Variants in EZH2 observed in about 807,000 individuals in gnomAD.
The protein encoded by EZH2 is enhancer of zeste 2 polycomb repressive complex 2 subunit.
Under a neutral mutation model 98.4 loss-of-function variants are expected in EZH2, and 18 were observed. The observed-to-expected ratio is 0.18, with a 90% CI of 0.13 to 0.27. The LOEUF (loss-of-function observed/expected upper bound fraction) is 0.27, where lower values mean the gene tolerates loss of function less well. Ranked by LOEUF, EZH2 falls within the 10% of genes least tolerant of loss-of-function variation. The pLI, the probability that EZH2 is intolerant of heterozygous loss-of-function variation, is 1.00. For missense variants in EZH2, 470 were observed against 935.1 expected, an observed-to-expected ratio of 0.50 and a Z score of 6.49; for synonymous variants, 338 against 312.3, an observed-to-expected ratio of 1.08 and a Z score of -0.87.
intron 1 of EZH2, among the ~76,000 whole-genome samples, chr7:148,871,403 T>TAAAAAAAAAAAAAAAAAAAAAAAACAA (rs71529646): frequency 1.1e-5 from 1 of 88,752 alleles, no homozygotes; most frequent in African/African-American, 4.3e-5. Context: ...GACGAATAAT[T>TAAAAAAAAAAAAAAAAAAAAAAAACAA]AAAAAAAAAA....
intron 1 of EZH2, among the ~76,000 whole-genome samples, chr7:148,868,385 G>A (rs532385986): frequency 1.3e-5 from 2 of 152,300 alleles, no homozygotes; most frequent in East Asian, 1.9e-4. Flanking sequence ...CACATTATAC[G>A]TGGCTGATGC....
At chr7:148,827,044 G>T in intron 7 of EZH2, 120 bp downstream of exon 7, 1 of 705,246 alleles carries the variant, frequency 1.4e-6, no homozygotes, top group Non-Finnish European at 2.4e-6. Context: ...CAAGTATCTT[G>T]CAAACACTGT....
At chr7:148,880,202 T>C (rs1820767458) in intron 1 of EZH2, among the ~76,000 whole-genome samples, 2 of 152,350 alleles carry the variant, frequency 1.3e-5, no homozygotes, top group Non-Finnish European at 1.5e-5. Flanking sequence ...TGCAACTATC[T>C]TAGAAATTTA....
Position 148,819,596 on chromosome 7 carries a change from C to T in EZH2, c.999G>A (p.Leu333=). Residue 333 remains leucine (L), a splice_region_variant and synonymous_variant, in exon 9 of 20, where the codon TTG becomes TTA. Coordinates refer to ENST00000320356, the MANE Select transcript of EZH2 (RefSeq NM_004456.5). ...KPCGPQCYQH[L]EGAKEFAAAL... ...GCAATAATTAGGCACTAAGTCTTAC[C>T]AAATGCTGGTAACACTGTGGTCCAC... The T allele has an allele frequency of 6.2e-7, 1 of 1,613,560 alleles. No individual in the cohort carries two copies. The highest frequency in any genetic ancestry group is 1.3e-5 in the African/African-American group (1 of 75,020).
At chr7:148,853,489 G>C (rs1473271939) in intron 1 of EZH2, among the ~76,000 whole-genome samples, 1 of 152,116 alleles carries the variant, frequency 6.6e-6, no homozygotes, top group African/African-American at 2.4e-5. Flanking sequence ...TAGGGTTCAC[G>C]CTTCCGTGAG....
chr7:148,872,609 C>G (rs982661486), intron 1 of EZH2, among the ~76,000 whole-genome samples: 3 of 152,128 alleles, frequency 2.0e-5, no homozygotes, highest in Non-Finnish European at 4.4e-5. Context: ...CGTAGGAACT[C>G]ATGTATCTAC....
At chr7:148,829,102 T>A (rs1808571581) in intron 5 of EZH2, among the ~76,000 whole-genome samples, 1 of 152,070 alleles carries the variant, frequency 6.6e-6, no homozygotes, top group African/African-American at 2.4e-5. Flanking sequence ...GAATGGCCCC[T>A]CCCCAAAACT....
At chr7:148,820,203 T>C (rs547982890) in intron 8 of EZH2, among the ~76,000 whole-genome samples, 86 of 152,270 alleles carry the variant, frequency 5.6e-4, no homozygotes, top group African/African-American at 2.0e-3. Flanking sequence ...TCCAAGAACC[T>C]GGTGAGAGCT....
At chr7:148,816,404 T>C (rs1804566941) in intron 12 of EZH2, among the ~76,000 whole-genome samples, 1 of 152,242 alleles carries the variant, frequency 6.6e-6, no homozygotes, top group Admixed American at 6.5e-5. Context: ...TAACCTTTAC[T>C]GCAAAAGCTA....
intron 1 of EZH2, among the ~76,000 whole-genome samples, chr7:148,848,636 C>T (rs1392136742): frequency 2.0e-5 from 3 of 152,002 alleles, no homozygotes; most frequent in Non-Finnish European, 2.9e-5. Context: ...AACAAAGGGG[C>T]GAAGAAATTC....
chr7:148,811,363 C>G (rs1803034536), intron 16 of EZH2, among the ~76,000 whole-genome samples: 1 of 152,160 alleles, frequency 6.6e-6, no homozygotes, highest in Non-Finnish European at 1.5e-5. Flanking sequence ...GTTGCCCATG[C>G]TGGTCTCCAA....
At position 148,825,015 on chromosome 7, in the gene EZH2, T is replaced by A. The variant is rs1807292692; in HGVS notation, c.907+1439A>T. Among the ~76,000 whole-genome samples, 25 of 152,254 alleles carry A rather than the reference T, an allele frequency of 1.6e-4. No homozygotes were observed. In the South Asian group the frequency reaches 4.4e-3, roughly 27 times the overall value. ...TCTGAATGGCACAATAAAAAACTTGTAATGTTTAAAAGTAGTGTCCTACTT... is the reference window on the plus strand; with the variant it reads ...TCTGAATGGCACAATAAAAAACTTGAAATGTTTAAAAGTAGTGTCCTACTT... On this transcript the variant is annotated intron_variant, in intron 8 of 19. Transcript: ENST00000320356.
chr7:148,810,460 C>CA, intron 16 of EZH2, 46 bp from the exon 17 acceptor site: 1 of 1,343,450 alleles, frequency 7.4e-7, no homozygotes, highest in South Asian at 1.2e-5. Flanking sequence ...TAAAGGTGAT[C>CA]AAGCCTGACA....
intron 2 of EZH2, 105 bp downstream of exon 2, chr7:148,847,077 T>C (rs1814351349): frequency 7.4e-7 from 1 of 1,357,268 alleles, no homozygotes; most frequent in Admixed American, 2.5e-5. Context: ...TTATTGTAAA[T>C]ACAAACTTGG....
intron 1 of EZH2, among the ~76,000 whole-genome samples, chr7:148,864,725 G>C (rs183147828): frequency 2.1e-3 from 308 of 150,244 alleles, no homozygotes; most frequent in African/African-American, 7.1e-3. Flanking sequence ...AAAAGTTTAA[G>C]TTTTTCTTGA....
At chr7:148,837,763 C>A (rs930433501) in intron 3 of EZH2, among the ~76,000 whole-genome samples, 2 of 152,154 alleles carry the variant, frequency 1.3e-5, no homozygotes, top group Admixed American at 6.5e-5. Flanking sequence ...GAAGAAAAAA[C>A]CCCATTAAGA....
chr7:148,829,356 T>C lies in EZH2; in HGVS notation c.484+372A>G, dbSNP rs1007680314. Among the ~76,000 whole-genome samples the C allele has an allele frequency of 2.3e-4, 35 of 152,180 alleles. 1 individual carries two copies. Among genetic ancestry groups the C allele is most frequent in the Non-Finnish European group, 7.3e-5 (5 of 68,042 alleles). On this transcript the variant is annotated intron_variant, in intron 5 of 19. Coordinates refer to ENST00000320356, the MANE Select transcript of EZH2 (RefSeq NM_004456.5). ...TAGTCCCTAGAGGAGCGGTATTTTT[T>C]AGTAGTAGGGGCTGTTGGAGCCCCT...
chr7:148,820,717 T>TA (rs1406998159), intron 8 of EZH2, among the ~76,000 whole-genome samples: 2 of 152,154 alleles, frequency 1.3e-5, no homozygotes, highest in Non-Finnish European at 2.9e-5. Context: ...TTTTTCTGTT[T>TA]ATGAGTTAAA....
chr7:148,865,471 T>C (rs1373312182), intron 1 of EZH2, among the ~76,000 whole-genome samples: 3 of 152,222 alleles, frequency 2.0e-5, no homozygotes, highest in Non-Finnish European at 2.9e-5. Flanking sequence ...GACATGAATC[T>C]GCTGTTCCCA....
Sources: gnomAD v4.1 joint callset for allele counts (sites outside exome capture counted in the v4.1 genomes callset) on GRCh38, gnomAD v4.1.1 for gene constraint, MANE v1.5 for transcripts, NCBI Gene and HGNC (gene_info 2026-07-23, HGNC 2026-07-21) for gene names.